Variants in FAM91A1 observed in about 807,000 individuals in gnomAD.
The protein encoded by FAM91A1 is family with sequence similarity 91 member A1.
A neutral mutation model predicts 113.5 loss-of-function variants in FAM91A1; 41 were observed. That is an observed-to-expected ratio of 0.36 (90% confidence interval 0.28 to 0.47). FAM91A1 has a LOEUF of 0.47. FAM91A1 is among the 20% of genes least tolerant of loss of function. FAM91A1 has a pLI of 1.00. For missense variants in FAM91A1, 696 were observed against 1,001.2 expected, an observed-to-expected ratio of 0.70 and a Z score of 4.11; for synonymous variants, 307 against 347.9, an observed-to-expected ratio of 0.88 and a Z score of 1.31.
At chr8:123,780,423 A>T (rs1004573983) in intron 7 of FAM91A1, 57 bp from the exon 8 acceptor site, 23 of 1,351,928 alleles carry the variant, frequency 1.7e-5, no homozygotes, top group Non-Finnish European at 5.2e-6. Flanking sequence ...TAGTTTTTTT[A>T]AAAAAATCAC....
intron 11 of FAM91A1, 130 bp from the exon 12 acceptor site, chr8:123,786,365 T>G: frequency 2.9e-6 from 2 of 679,408 alleles, no homozygotes; most frequent in South Asian, 3.9e-5. Flanking sequence ...GGCTGCGACT[T>G]AATTTTGGGC....
chr8:123,799,287 A>G (rs893184160), intron 16 of FAM91A1, among the ~76,000 whole-genome samples: 1 of 152,246 alleles, frequency 6.6e-6, no homozygotes, highest in Admixed American at 6.5e-5. Context: ...CAAAACCAAG[A>G]TTCCAAACTA....
At position 123,799,786 on chromosome 8, in the gene FAM91A1, G is replaced by C; in HGVS notation, c.1710G>C (p.Leu570Phe). ...CTTTTCAATAGAGTTATGATCGATT[G>C]CTAATAACATCTTGGGGTCATGATC... The part of the protein sequence containing the change: ...LPDIFQSYDR[L>F]LITSWGHDPG... Residue 570 changes from leucine (L) to phenylalanine (F), a missense_variant, in exon 18 of 24, where the codon TTG (leucine) becomes TTC (phenylalanine). Physicochemically the swap from Leu to Phe is conservative, Grantham distance 22 (BLOSUM62 0). Transcript: ENST00000334705. The C allele has an allele frequency of 6.2e-7, 1 of 1,607,996 alleles. No homozygotes were observed. The highest frequency in any genetic ancestry group is 2.2e-5 in the East Asian group (1 of 44,762).
At chr8:123,785,030 T>G in intron 9 of FAM91A1, 51 bp from the exon 10 acceptor site, 1 of 1,370,584 alleles carries the variant, frequency 7.3e-7, no homozygotes, top group Non-Finnish European at 1.0e-6. Flanking sequence ...AACTGTGTAA[T>G]GTGCTGTTAA....
intron 20 of FAM91A1, among the ~76,000 whole-genome samples, chr8:123,807,111 T>G (rs1173674262): frequency 6.6e-6 from 1 of 152,130 alleles, no homozygotes; most frequent in African/African-American, 2.4e-5. Context: ...GAAATGTGAT[T>G]GATTACTTGC....
Position 123,813,000 on chromosome 8 carries a change from A to G in FAM91A1, c.*296A>G, listed in dbSNP as rs114196949. The G allele has an allele frequency of 4.6e-6, 1 of 219,180 alleles. No homozygotes were observed. The highest frequency in any genetic ancestry group is 8.9e-6 in the Non-Finnish European group (1 of 112,208). The allele number at this position is 219,180 out of a possible 1,614,324, so 13.6% of individuals were successfully genotyped here. ...GCTTTATGATGACTGTTATGTTTAT[A>G]AGCAGTCACTATGAAAATTGCAATG... On this transcript the variant is annotated 3_prime_UTR_variant, in exon 24 of 24. Coordinates refer to ENST00000334705, the MANE Select transcript of FAM91A1 (RefSeq NM_144963.4).
chr8:123,772,172 C>T (rs865946865), intron 1 of FAM91A1, among the ~76,000 whole-genome samples: 2 of 152,058 alleles, frequency 1.3e-5, no homozygotes, highest in Admixed American at 6.6e-5. Context: ...TGTGTTCACT[C>T]GTGTATTGAT....
intron 20 of FAM91A1, 130 bp from the exon 21 acceptor site, chr8:123,808,131 ACTTATTTAAGC>A (rs1815856681): frequency 1.5e-6 from 1 of 646,820 alleles, no homozygotes; most frequent in East Asian, 2.9e-5. Flanking sequence ...GTTTAAAACC[ACTTATTTAAGC>A]CAAGGATTAT....
intron 12 of FAM91A1, 139 bp from the exon 13 acceptor site, chr8:123,787,119 ACTT>A: frequency 1.6e-6 from 1 of 619,948 alleles, no homozygotes; most frequent in South Asian, 2.2e-5. Context: ...TATGGCTGGA[ACTT>A]CTTATGGCTA....
chr8:123,778,678 C>T lies in FAM91A1; in HGVS notation c.455C>T (p.Thr152Ile), dbSNP rs375834305. ...TTGCAGAAATTCTTCAGAAGGAAAA[C>T]AGCCCGTGATCTTCTACCAATAAAG... ...RSSKKFFRRK[T>I]ARDLLPIKPV... The change falls in exon 6 of 24, where the codon ACA becomes ATA. Residue 152 changes from threonine to isoleucine, a missense_variant. Thr to Ile is a moderately conservative substitution (Grantham distance 89). Transcript: ENST00000334705. 14 of 1,610,398 alleles carry T rather than the reference C, an allele frequency of 8.7e-6. 1 individual carries two copies. The South Asian group carries it at 1.4e-4, about 16-fold the overall frequency.
At chr8:123,807,480 C>CAAAAAAAAA (rs546080328) in intron 20 of FAM91A1, among the ~76,000 whole-genome samples, 2 of 58,930 alleles carry the variant, frequency 3.4e-5, no homozygotes, top group African/African-American at 5.6e-5. Context: ...CCTGTCTCTA[C>CAAAAAAAAA]AAAAAAAAAA....
In FAM91A1 at chr8:123,778,673, G is replaced by T; in HGVS notation, c.450G>T (p.Arg150Ser). Residue 150 changes from arginine (R) to serine (S), a missense_variant, in exon 6 of 24, where the codon AGG becomes AGT. By Grantham distance (110) the Arg-to-Ser change is moderately radical (BLOSUM62 -1). Transcript: ENST00000334705. Reference protein sequence around the residue: ...QCRSSKKFFRRKTARDLLPIK... With the variant: ...QCRSSKKFFRSKTARDLLPIK... ...TACCATTGCAGAAATTCTTCAGAAG[G>T]AAAACAGCCCGTGATCTTCTACCAA... The T allele has an allele frequency of 6.2e-7, 1 of 1,610,512 alleles. No individual in the cohort carries two copies. The highest frequency in any genetic ancestry group is 8.5e-7 in the Non-Finnish European group (1 of 1,179,052).
chr8:123,768,495 C>G lies in FAM91A1; in HGVS notation c.-208C>G, dbSNP rs1046517775. 2.4e-5 allele frequency: 12 copies of G among 490,460 alleles called. No homozygotes were observed. The highest frequency in any genetic ancestry group is 4.1e-5 in the African/African-American group (2 of 48,548). 30.4% of individuals were successfully genotyped at this position (490,460 alleles called of 1,614,324 possible). ...GAAACTTGGAGCTGTTCAGGCGATC[C>G]AGCCTCCAATCGCTGCTGCTCTTGT... On this transcript the variant is annotated 5_prime_UTR_variant, in exon 1 of 24. Transcript: ENST00000334705.
chr8:123,814,618 G>A lies in FAM91A1; in HGVS notation c.*1914G>A, dbSNP rs899692577. 6 of 152,958 alleles carry A rather than the reference G, an allele frequency of 3.9e-5. No homozygotes were observed. The highest frequency in any genetic ancestry group is 7.2e-5 in the African/African-American group (3 of 41,442). The allele number at this position is 152,958 out of a possible 1,614,324, so 9.5% of individuals were successfully genotyped here. ...GATCATGAATTTTAGGGAAAGTACC[G>A]AAGAACCATGGGGTCCCCTCTGGTT... On this transcript the variant is annotated 3_prime_UTR_variant, in exon 24 of 24. Transcript: ENST00000334705.
intron 1 of FAM91A1, 117 bp from the exon 2 acceptor site, chr8:123,773,963 C>G: frequency 1.4e-6 from 1 of 733,110 alleles, no homozygotes; most frequent in Non-Finnish European, 2.3e-6. Context: ...TTTAATTCTG[C>G]AAATTAGAGA....
At chr8:123,802,023 G>A (rs1815695902) in intron 18 of FAM91A1, among the ~76,000 whole-genome samples, 1 of 152,140 alleles carries the variant, frequency 6.6e-6, no homozygotes, top group South Asian at 2.1e-4. Context: ...TGGCCCTGCA[G>A]TGCCGCCTGC....
intron 17 of FAM91A1, 55 bp from the exon 18 acceptor site, chr8:123,799,717 T>G: frequency 6.2e-7 from 1 of 1,605,506 alleles, no homozygotes; most frequent in Non-Finnish European, 8.5e-7. Flanking sequence ...AGATAATTTC[T>G]TAATATTTTC....
rs1814765609 is a variant in FAM91A1, at chr8:123,768,689, C to T, written c.-14C>T. 3 of 1,548,496 alleles carry T rather than the reference C, an allele frequency of 1.9e-6. No homozygotes were observed. Among genetic ancestry groups the T allele is most frequent in the Non-Finnish European group, 1.7e-6 (2 of 1,150,218 alleles). ...GCGGTGGCGGCCCCGGCCGCCGGCC[C>T]TGGCCGCGGCATCATGAACATAGAC... On this transcript the variant is annotated 5_prime_UTR_variant, in exon 1 of 24. Coordinates refer to ENST00000334705, the MANE Select transcript of FAM91A1 (RefSeq NM_144963.4).
Position 123,788,714 on chromosome 8 carries a change from CTGATTTTTA to C in FAM91A1, c.1279-897_1279-889del, listed in dbSNP as rs1411575466. On this transcript the variant is annotated intron_variant, in intron 14 of 23. Coordinates refer to ENST00000334705, the MANE Select transcript of FAM91A1 (RefSeq NM_144963.4). Reference sequence around the variant, plus strand: ...ACTGCACATTTCAAGTTCTGGTTTTCTGATTTTTATCTTTTTTTCACCTCAGCTAGTCTT... The same window carrying C: ...ACTGCACATTTCAAGTTCTGGTTTTCTCTTTTTTTCACCTCAGCTAGTCTT... 2.6e-5 allele frequency among the ~76,000 whole-genome samples: 4 copies of C among 152,118 alleles called. No individual in the cohort carries two copies. In the East Asian group the frequency reaches 7.7e-4, roughly 29 times the overall value.
Sources: allele counts gnomAD v4.1 joint callset (sites outside exome capture counted in the v4.1 genomes callset), GRCh38; gene constraint gnomAD v4.1.1; transcripts MANE v1.5; gene names NCBI Gene and HGNC (gene_info 2026-07-23, HGNC 2026-07-21).